The following FANCI variants were observed in gnomAD, a reference collection of about 807,000 sequenced individuals.
FANCI encodes the protein Fanconi anemia group I protein.
A neutral mutation model predicts 176.1 loss-of-function variants in FANCI; 156 were observed. That is an observed-to-expected ratio of 0.89 (90% CI 0.78 to 1.01). The LOEUF (loss-of-function observed/expected upper bound fraction) is 1.01, where lower values mean the gene tolerates loss of function less well. Among genes scored for constraint, FANCI ranks in the 50% least tolerant of loss-of-function variants. The pLI is 0.00. For synonymous variants in FANCI, 613 were observed against 541.7 expected, an observed-to-expected ratio of 1.13 and a Z score of -1.83; for missense variants, 1,678 against 1,534.1, an observed-to-expected ratio of 1.09 and a Z score of -1.57.
At chr15:89,308,643 CCCTTT>C (rs1014750272) in intron 34 of FANCI, among the ~76,000 whole-genome samples, 2 of 152,146 alleles carry the variant, frequency 1.3e-5, no homozygotes, top group Non-Finnish European at 1.5e-5. Context: ...CTCTTCCCCT[CCCTTT>C]AAGAATCAGC....
chr15:89,293,731 A>G, intron 22 of FANCI, 102 bp from the exon 23 acceptor site: 1 of 1,135,946 alleles, frequency 8.8e-7, no homozygotes, highest in Non-Finnish European at 1.3e-6. Flanking sequence ...GTTACGTCTA[A>G]AATATGACAT....
At chr15:89,303,309 CTGTG>C (rs1038781116) in intron 27 of FANCI, among the ~76,000 whole-genome samples, 2 of 152,222 alleles carry the variant, frequency 1.3e-5, no homozygotes, top group Non-Finnish European at 2.9e-5. Context: ...AGAAAGTTGA[CTGTG>C]TGTCTGGTGA....
intron 2 of FANCI, among the ~76,000 whole-genome samples, chr15:89,250,732 C>T (rs764948206): frequency 6.7e-6 from 1 of 150,110 alleles, no homozygotes; most frequent in African/African-American, 2.4e-5. Flanking sequence ...AAAATACCTT[C>T]TAAATAACTC....
chr15:89,267,203 C>G (rs576580608), intron 9 of FANCI, among the ~76,000 whole-genome samples: 4 of 151,952 alleles, frequency 2.6e-5, no homozygotes, highest in Non-Finnish European at 4.4e-5. Flanking sequence ...GCCTGTAGTC[C>G]CAACTACTTG....
At position 89,263,478 on chromosome 15, in the gene FANCI, C is replaced by G. The variant is rs2052802204; in HGVS notation, c.545+18C>G. The G allele has an allele frequency of 1.9e-6, 3 of 1,606,326 alleles. No individual in the cohort carries two copies. Among genetic ancestry groups the G allele is most frequent in the African/African-American group, 1.3e-5 (1 of 74,782 alleles). On this transcript the variant is annotated intron_variant, in intron 7 of 37. Coordinates refer to ENST00000310775, the MANE Select transcript of FANCI (RefSeq NM_001113378.2). ...ATGTTCAAGTAAGCATCATCTTTTC[C>G]CTTTTCTTTGTGTATCCTGCTTTGT...
intron 34 of FANCI, 152 bp from the exon 35 acceptor site, chr15:89,312,752 G>T: frequency 6.2e-6 from 4 of 640,374 alleles, no homozygotes; most frequent in Non-Finnish European, 8.2e-6. Flanking sequence ...TCGGGGCGCA[G>T]AGGTTACAGT....
At chr15:89,290,390 A>C in intron 19 of FANCI, 109 bp downstream of exon 19, 1 of 860,026 alleles carries the variant, frequency 1.2e-6, no homozygotes, top group Non-Finnish European at 1.9e-6. Context: ...CTAGTACATT[A>C]GTACTTTGTG....
rs147587555 is a variant in FANCI at position 89,289,588 on chromosome 15, G to A, written c.1822-625G>A. 4.4e-3 allele frequency among the ~76,000 whole-genome samples: 664 copies of A among 152,242 alleles called. 9 individuals are homozygous for A. Among genetic ancestry groups the A allele is most frequent in the African/African-American group, 0.015 (635 of 41,534 alleles). ...TCCAAAGTGCTGGGATTACAGGCATGAGCCACCGTGTCTGGCCTGTTTCTT... is the reference window on the plus strand; with the variant it reads ...TCCAAAGTGCTGGGATTACAGGCATAAGCCACCGTGTCTGGCCTGTTTCTT... On this transcript the variant is annotated intron_variant, in intron 18 of 37. Coordinates refer to ENST00000310775, the MANE Select transcript of FANCI (RefSeq NM_001113378.2).
At position 89,295,016 on chromosome 15, in the gene FANCI, TA is replaced by T; in HGVS notation, c.2561del (p.Lys854ArgfsTer6). ...VNVALQKVQQ[L>X]KETGHVSGPD... Reference sequence around the variant, plus strand: ...GTAGCTCTGCAGAAAGTACAGCAGCTAAAGGAAACAGGGCATGTGAGTGGCC... The same window carrying T: ...GTAGCTCTGCAGAAAGTACAGCAGCTAAGGAAACAGGGCATGTGAGTGGCC... On this transcript the variant is annotated frameshift_variant, in exon 24 of 38. Transcript: ENST00000310775. LOFTEE classifies it high-confidence loss of function. 1 of 1,552,206 alleles carries T rather than the reference TA, an allele frequency of 6.4e-7. No individual in the cohort carries two copies. Among genetic ancestry groups the T allele is most frequent in the Non-Finnish European group, 8.7e-7 (1 of 1,147,132 alleles).
At chr15:89,256,820 A>T (rs1036456209) in intron 2 of FANCI, among the ~76,000 whole-genome samples, 1 of 152,184 alleles carries the variant, frequency 6.6e-6, no homozygotes, top group Admixed American at 6.5e-5. Flanking sequence ...CTTAATCCCA[A>T]ATTTTCAGCA....
At position 89,307,647 on chromosome 15, in the gene FANCI, G is replaced by A. The variant is rs372519646; in HGVS notation, c.3626G>A (p.Cys1209Tyr). The A allele has an allele frequency of 6.2e-7, 1 of 1,614,038 alleles. No individual in the cohort carries two copies. Among genetic ancestry groups the A allele is most frequent in the African/African-American group, 1.3e-5 (1 of 74,920 alleles). The change falls in exon 34 of 38, where the codon TGT (cysteine) becomes TAT (tyrosine). Residue 1209 changes from cysteine (C) to tyrosine (Y), a missense_variant. Coordinates refer to ENST00000310775, the MANE Select transcript of FANCI (RefSeq NM_001113378.2). ...KLSGSHLTPL[C>Y]YSFISYVQNK... ...TCTGGTTCTCATCTGACCCCCCTGTGTTATTCTTTCATTTCTTACGTACAG... is the reference window on the plus strand; with the variant it reads ...TCTGGTTCTCATCTGACCCCCCTGTATTATTCTTTCATTTCTTACGTACAG...
intron 31 of FANCI, 66 bp downstream of exon 31, chr15:89,305,764 G>A: frequency 6.6e-7 from 1 of 1,524,904 alleles, no homozygotes; most frequent in Non-Finnish European, 9.1e-7. Context: ...TATTGGGTCG[G>A]TGCATAAAAA....
At chr15:89,305,947 C>T in intron 31 of FANCI, 60 bp from the exon 32 acceptor site, 10 of 1,553,418 alleles carry the variant, frequency 6.4e-6, no homozygotes, top group Non-Finnish European at 8.9e-6. Flanking sequence ...TCTAAATCTC[C>T]TTTACTCTTA....
At position 89,316,392 on chromosome 15, in the gene FANCI, T is replaced by C. The variant is rs755726456; in HGVS notation, c.3925-5T>C. On this transcript the variant is annotated splice_region_variant and splice_polypyrimidine_tract_variant and intron_variant, in intron 37 of 37. Coordinates refer to ENST00000310775, the MANE Select transcript of FANCI (RefSeq NM_001113378.2). ...CGTTAGAGCATTAATTCTTTCCCCT[T>C]CTAGGGCACTGCATCAGAGCATGGG... 4 of 1,611,072 alleles carry C rather than the reference T, an allele frequency of 2.5e-6. No individual in the cohort carries two copies. The highest frequency in any genetic ancestry group is 3.4e-6 in the Non-Finnish European group (4 of 1,178,254).
chr15:89,297,028 C>T (rs2054315470), intron 24 of FANCI, among the ~76,000 whole-genome samples: 1 of 151,114 alleles, frequency 6.6e-6, no homozygotes, highest in African/African-American at 2.4e-5. Flanking sequence ...TGACCCCCAC[C>T]TCCCTCCTGG....
intron 25 of FANCI, 100 bp downstream of exon 25, chr15:89,300,066 G>C: frequency 7.3e-7 from 1 of 1,372,652 alleles, no homozygotes; most frequent in African/African-American, 1.4e-5. Flanking sequence ...CTTGAGAACA[G>C]TCCTAATGTT....
intron 18 of FANCI, among the ~76,000 whole-genome samples, chr15:89,287,051 G>C (rs2053847673): frequency 7.5e-6 from 1 of 132,686 alleles, no homozygotes; most frequent in African/African-American, 2.8e-5. Context: ...TCGGCTCACT[G>C]CAACCTCCGC....
chr15:89,316,283 G>A (rs2055252712), intron 37 of FANCI, 114 bp from the exon 38 acceptor site: 2 of 1,072,968 alleles, frequency 1.9e-6, no homozygotes, highest in Non-Finnish European at 2.8e-6. Context: ...AGTGGGGAAA[G>A]CATGACTAAC....
chr15:89,311,428 T>A (rs2054956516), intron 34 of FANCI, among the ~76,000 whole-genome samples: 1 of 152,134 alleles, frequency 6.6e-6, no homozygotes, highest in African/African-American at 2.4e-5. Flanking sequence ...CAAAAAAAGA[T>A]GCTTCTCTTC....
Sources: allele counts gnomAD v4.1 joint callset (sites outside exome capture counted in the v4.1 genomes callset), GRCh38; gene constraint gnomAD v4.1.1; transcripts MANE v1.5; gene names NCBI Gene and HGNC (gene_info 2026-07-23, HGNC 2026-07-21).